The following EPHA6 variants were observed in gnomAD, a reference collection of about 807,000 sequenced individuals.
EPHA6 encodes the protein EPH receptor A6.
In EPHA6, 50 loss-of-function variants were observed where a neutral mutation model predicts 112.0. That is an observed-to-expected ratio of 0.45 (90% confidence interval 0.36 to 0.56). The LOEUF is 0.56. Ranked by LOEUF, EPHA6 falls within the 20% of genes least tolerant of loss-of-function variation. The pLI, the probability that EPHA6 is intolerant of heterozygous loss-of-function variation, is 0.00. For synonymous variants in EPHA6, 529 were observed against 490.7 expected, an observed-to-expected ratio of 1.08 and a Z score of -1.03; for missense variants, 1,280 against 1,417.4, an observed-to-expected ratio of 0.90 and a Z score of 1.56.
At chr3:97,682,077 T>C (rs2031905417) in intron 14 of EPHA6, among the ~76,000 whole-genome samples, 1 of 152,098 alleles carries the variant, frequency 6.6e-6, no homozygotes, top group Non-Finnish European at 1.5e-5. Flanking sequence ...ACAGTGACTT[T>C]TAGAAGCTAA....
At chr3:97,617,819 C>A (rs2093779166) in intron 13 of EPHA6, among the ~76,000 whole-genome samples, 1 of 152,130 alleles carries the variant, frequency 6.6e-6, no homozygotes, top group Non-Finnish European at 1.5e-5. Context: ...TAGACTCCCA[C>A]ACAATAATAG....
chr3:96,927,115 C>T (rs2040076879), intron 2 of EPHA6, among the ~76,000 whole-genome samples: 1 of 152,194 alleles, frequency 6.6e-6, no homozygotes, highest in Non-Finnish European at 1.5e-5. Flanking sequence ...ACCCGTAGGC[C>T]TAACACCACA....
intron 3 of EPHA6, among the ~76,000 whole-genome samples, chr3:97,071,222 G>T (rs556987307): frequency 6.6e-6 from 1 of 151,782 alleles, no homozygotes; most frequent in Non-Finnish European, 1.5e-5. Flanking sequence ...CCATTCTTTT[G>T]TCCTAAGATA....
At chr3:96,991,847 G>A (rs1343474722) in intron 3 of EPHA6, among the ~76,000 whole-genome samples, 1 of 152,116 alleles carries the variant, frequency 6.6e-6, no homozygotes, top group Non-Finnish European at 1.5e-5. Flanking sequence ...TGGAACAGGG[G>A]CAGGATAATT....
At position 97,289,398 on chromosome 3, in the gene EPHA6, A is replaced by G. The variant is rs117110278; in HGVS notation, c.1606+45111A>G. On this transcript the variant is annotated intron_variant, in intron 5 of 17. Transcript: ENST00000389672. ...CAAAGAACAGATGGCTGAAGTGTAC[A>G]ACTTTATTAGGGGTTCTGTATTCTG... is the stretch of plus-strand genomic sequence containing the variant. 2.8e-4 allele frequency among the ~76,000 whole-genome samples: 43 copies of G among 152,088 alleles called. No individual in the cohort carries two copies. In the East Asian group the frequency reaches 7.2e-3, roughly 25 times the overall value.
rs1446827886 is a variant in EPHA6, at chr3:96,960,563, A to G, written c.451-26767A>G. Among the ~76,000 whole-genome samples, 3 of 152,198 alleles carry G rather than the reference A, an allele frequency of 2.0e-5. No homozygotes were observed. The South Asian group carries it at 6.2e-4, about 32-fold the overall frequency. The stretch of plus-strand genomic sequence containing the variant: ...CTTCAAATATAGTCTACAAAGTACA[A>G]AAAAGACTGAGTTTTCATGATGGAG... On this transcript the variant is annotated intron_variant, in intron 2 of 17. Coordinates refer to ENST00000389672, the MANE Select transcript of EPHA6 (RefSeq NM_001080448.3).
chr3:97,149,774 T>C (rs563029942), intron 3 of EPHA6, among the ~76,000 whole-genome samples: 59 of 151,486 alleles, frequency 3.9e-4, no homozygotes, highest in African/African-American at 1.4e-3. Flanking sequence ...TCAAATTTAT[T>C]ATCATTTTAA....
chr3:97,015,455 G>T (rs948769398), intron 3 of EPHA6, among the ~76,000 whole-genome samples: 1 of 151,990 alleles, frequency 6.6e-6, no homozygotes, highest in Non-Finnish European at 1.5e-5. Flanking sequence ...AATTATGAGG[G>T]TCTGTCTGGA....
intron 14 of EPHA6, among the ~76,000 whole-genome samples, chr3:97,689,508 A>T: frequency 6.6e-6 from 1 of 152,206 alleles, no homozygotes; most frequent in South Asian, 2.1e-4. Context: ...TGGCCCTGAA[A>T]GTGAAGCCTC....
chr3:97,131,394 A>G (rs1316026986), intron 3 of EPHA6, among the ~76,000 whole-genome samples: 2 of 152,128 alleles, frequency 1.3e-5, no homozygotes, highest in Non-Finnish European at 2.9e-5. Context: ...TGTACTTACA[A>G]TATTCCTTAG....
intron 2 of EPHA6, among the ~76,000 whole-genome samples, chr3:96,911,499 T>A (rs2107603073): frequency 6.6e-6 from 1 of 152,092 alleles, no homozygotes; most frequent in Admixed American, 6.6e-5. Context: ...GCAGTTACAT[T>A]TGAGCATGCC....
At chr3:97,671,783 G>A (rs1051383349) in intron 14 of EPHA6, among the ~76,000 whole-genome samples, 2 of 151,884 alleles carry the variant, frequency 1.3e-5, no homozygotes, top group African/African-American at 2.4e-5. Flanking sequence ...AACAGCTGCA[G>A]AAGTTTTGGG....
At chr3:97,574,413 T>G (rs552317235) in intron 11 of EPHA6, among the ~76,000 whole-genome samples, 1 of 152,202 alleles carries the variant, frequency 6.6e-6, no homozygotes, top group East Asian at 1.9e-4. Context: ...AAATGTGGGT[T>G]AGAAAGGCAA....
chr3:97,025,066 T>C (rs945958543), intron 3 of EPHA6, among the ~76,000 whole-genome samples: 2 of 152,186 alleles, frequency 1.3e-5, no homozygotes, highest in East Asian at 3.9e-4. Context: ...TTGACTGAGT[T>C]CTAAGCTCAG....
chr3:96,901,261 G>GA (rs141689143), intron 2 of EPHA6, among the ~76,000 whole-genome samples: 2,769 of 151,546 alleles, frequency 0.018, 72 homozygotes, highest in African/African-American at 0.05. Flanking sequence ...ATGGATAAAT[G>GA]AAAAAAAATC....
At chr3:97,208,318 G>A (rs1419802304) in intron 3 of EPHA6, among the ~76,000 whole-genome samples, 1 of 152,102 alleles carries the variant, frequency 6.6e-6, no homozygotes, top group Non-Finnish European at 1.5e-5. Flanking sequence ...AATATTAATG[G>A]AAAGGTGGTA....
intron 3 of EPHA6, among the ~76,000 whole-genome samples, chr3:97,106,967 T>A (rs2047588858): frequency 6.6e-6 from 1 of 152,182 alleles, no homozygotes; most frequent in East Asian, 1.9e-4. Flanking sequence ...CAGTTTGACT[T>A]GGTGATGGTG....
chr3:97,241,572 T>C (rs183043120), intron 4 of EPHA6, among the ~76,000 whole-genome samples: 36 of 151,904 alleles, frequency 2.4e-4, no homozygotes, highest in Admixed American at 2.2e-3. Flanking sequence ...AGGATTAGAA[T>C]TAATTGTCTC....
chr3:97,746,571 C>G (rs2107900537), intron 16 of EPHA6, among the ~76,000 whole-genome samples: 1 of 151,776 alleles, frequency 6.6e-6, no homozygotes, highest in Middle Eastern at 3.4e-3. Context: ...TTATATATAA[C>G]TATTTCATAT....
Sources: gnomAD v4.1 joint callset for allele counts (sites outside exome capture counted in the v4.1 genomes callset) on GRCh38, gnomAD v4.1.1 for gene constraint, MANE v1.5 for transcripts, NCBI Gene and HGNC (gene_info 2026-07-23, HGNC 2026-07-21) for gene names.